The following TTLL5 variants were observed in gnomAD, a reference collection of about 807,000 sequenced individuals.
TTLL5 encodes tubulin tyrosine ligase like 5.
TTLL5 carries 132 observed loss-of-function variants against 168.4 expected under a neutral mutation model. That is an observed-to-expected ratio of 0.78 (90% confidence interval 0.68 to 0.91). TTLL5 has a LOEUF of 0.91. TTLL5 is among the 40% of genes least tolerant of loss of function. The pLI, the probability that TTLL5 is intolerant of heterozygous loss-of-function variation, is 0.00. For synonymous variants in TTLL5, 546 were observed against 558.6 expected, an observed-to-expected ratio of 0.98 and a Z score of 0.32; for missense variants, 1,545 against 1,581.5, an observed-to-expected ratio of 0.98 and a Z score of 0.39.
intron 9 of TTLL5, chr14:75,710,047 G>A (rs1886956082): frequency 6.6e-6 from 1 of 151,976 alleles, no homozygotes; most frequent in African/African-American, 2.4e-5. Context: ...CTTCTCTCCT[G>A]TGTCAAGTTT....
chr14:75,876,938 A>C (rs549647668), intron 29 of TTLL5, among the ~76,000 whole-genome samples: 2 of 152,376 alleles, frequency 1.3e-5, no homozygotes, highest in Non-Finnish European at 2.9e-5. Context: ...TTAGTAACTT[A>C]CATGCTCAAG....
chr14:75,825,634 A>G (rs1895076955), intron 28 of TTLL5, among the ~76,000 whole-genome samples: 1 of 152,186 alleles, frequency 6.6e-6, no homozygotes. Context: ...CTTTCCAGCC[A>G]AAGAGCACAA....
intron 19 of TTLL5, among the ~76,000 whole-genome samples, chr14:75,765,848 C>T (rs1296266538): frequency 2.0e-5 from 3 of 151,854 alleles, no homozygotes; most frequent in Admixed American, 6.6e-5. Context: ...GGCAACAGAG[C>T]GAGACCCTGA....
At chr14:75,706,093 T>A (rs1367937305) in intron 7 of TTLL5, among the ~76,000 whole-genome samples, 5 of 152,184 alleles carry the variant, frequency 3.3e-5, no homozygotes, top group Non-Finnish European at 7.4e-5. Flanking sequence ...GCTTGGTGCG[T>A]GCCATCTTCC....
chr14:75,921,802 A>G (rs1299934901), intron 31 of TTLL5, among the ~76,000 whole-genome samples: 2 of 152,204 alleles, frequency 1.3e-5, no homozygotes, highest in Non-Finnish European at 2.9e-5. Context: ...CATTGAATCT[A>G]TAAATTACCT....
chr14:75,904,779 G>A (rs1010482929), intron 31 of TTLL5, among the ~76,000 whole-genome samples: 1 of 152,106 alleles, frequency 6.6e-6, no homozygotes, highest in Non-Finnish European at 1.5e-5. Context: ...AATAGGCTCT[G>A]GGCCTCTGAA....
chr14:75,770,591 A>G (rs1566596366), intron 20 of TTLL5, among the ~76,000 whole-genome samples: 2 of 152,244 alleles, frequency 1.3e-5, no homozygotes, highest in Admixed American at 6.5e-5. Context: ...CTGGCCTGAA[A>G]GAAAACAGAT....
intron 27 of TTLL5, among the ~76,000 whole-genome samples, chr14:75,806,593 A>G (rs1468668590): frequency 6.6e-5 from 10 of 152,144 alleles, no homozygotes; most frequent in Non-Finnish European, 8.8e-5. Flanking sequence ...TGCCATGTCT[A>G]ATCTGGGCAT....
intron 27 of TTLL5, among the ~76,000 whole-genome samples, chr14:75,798,142 A>G (rs1595059146): frequency 6.6e-6 from 1 of 151,992 alleles, no homozygotes; most frequent in East Asian, 1.9e-4. Context: ...ATCTGTTCAG[A>G]GTTTTTATTT....
At chr14:75,871,518 G>A (rs2031032000) in intron 29 of TTLL5, among the ~76,000 whole-genome samples, 2 of 151,066 alleles carry the variant, frequency 1.3e-5, no homozygotes, top group South Asian at 4.2e-4. Context: ...AGGCATTCCA[G>A]CATTATTGCT....
intron 29 of TTLL5, among the ~76,000 whole-genome samples, chr14:75,881,834 A>G (rs1159459928): frequency 6.6e-6 from 1 of 152,208 alleles, no homozygotes; most frequent in Non-Finnish European, 1.5e-5. Flanking sequence ...TGAGACACAA[A>G]AAGACCATTT....
At chr14:75,760,512 A>G (rs1423705439) in intron 18 of TTLL5, among the ~76,000 whole-genome samples, 2 of 152,058 alleles carry the variant, frequency 1.3e-5, no homozygotes, top group Admixed American at 6.5e-5. Context: ...TTCAAATACA[A>G]AGGACTCAGA....
At chr14:75,791,286 A>C (rs887815109) in intron 26 of TTLL5, among the ~76,000 whole-genome samples, 1 of 152,248 alleles carries the variant, frequency 6.6e-6, no homozygotes, top group Admixed American at 6.5e-5. Context: ...TATGCTTGAA[A>C]TAACCACAAT....
intron 21 of TTLL5, among the ~76,000 whole-genome samples, chr14:75,773,347 A>G (rs540102082): frequency 6.6e-6 from 1 of 152,320 alleles, no homozygotes; most frequent in South Asian, 2.1e-4. Context: ...CCCTATAGTA[A>G]AGACAGCAGA....
chr14:75,931,641 C>T (rs1327261732), intron 31 of TTLL5, among the ~76,000 whole-genome samples: 1 of 152,132 alleles, frequency 6.6e-6, no homozygotes, highest in Admixed American at 6.5e-5. Context: ...TCTTCAGAAG[C>T]TCCCTTTAAA....
intron 31 of TTLL5, among the ~76,000 whole-genome samples, chr14:75,940,333 CCT>C (rs2034563208): frequency 6.6e-6 from 1 of 152,114 alleles, no homozygotes. Flanking sequence ...CCCGCCTCGG[CCT>C]CCCAAAGTGC....
chr14:75,785,235 C>T lies in TTLL5; in HGVS notation c.2986+1705C>T, dbSNP rs534902533. Among the ~76,000 whole-genome samples, 113 of 137,520 alleles carry T rather than the reference C, an allele frequency of 8.2e-4. 1 individual carries two copies. The highest frequency in any genetic ancestry group is 3.5e-3 in the Admixed American group (43 of 12,250). 90.2% of individuals were successfully genotyped at this position (137,520 alleles called of 152,430 possible). A position where few individuals can be genotyped will look rare whatever the true frequency, so the allele number is the denominator to read the frequency against. The stretch of plus-strand genomic sequence containing the variant: ...GTTGCTGTGCCGCCAGGCTGGAGTG[C>T]AGTGGCACGATCTCGGCCCACTGCA... On this transcript the variant is annotated intron_variant, in intron 26 of 31. Transcript: ENST00000298832.
chr14:75,807,951 A>G (rs1167629253), intron 27 of TTLL5, among the ~76,000 whole-genome samples: 1 of 152,288 alleles, frequency 6.6e-6, no homozygotes, highest in South Asian at 2.1e-4. Context: ...ATTATCAGTT[A>G]TTTGTTGGGC....
chr14:75,715,147 G>A (rs2140190827), intron 9 of TTLL5, among the ~76,000 whole-genome samples: 1 of 152,030 alleles, frequency 6.6e-6, no homozygotes, highest in East Asian at 1.9e-4. Flanking sequence ...ACCCCACTGG[G>A]CCACTGTCCC....
Sources: allele counts gnomAD v4.1 joint callset (sites outside exome capture counted in the v4.1 genomes callset), GRCh38; gene constraint gnomAD v4.1.1; transcripts MANE v1.5; gene names NCBI Gene and HGNC (gene_info 2026-07-23, HGNC 2026-07-21).